The following MYH15 variants were observed in gnomAD, a reference collection of about 807,000 sequenced individuals.
The protein encoded by MYH15 is myosin heavy chain 15.
Under a neutral mutation model 240.5 loss-of-function variants are expected in MYH15, and 227 were observed. The ratio of observed to expected loss-of-function variants is 0.94; its 90% CI spans 0.85 to 1.05. The LOEUF is 1.05. MYH15 is among the 50% of genes least tolerant of loss of function. The probability of loss-of-function intolerance (pLI) is 0.00; values close to 1 mark genes in which losing one functional copy is unlikely to be tolerated. For synonymous variants in MYH15, 785 were observed against 796.7 expected (o/e 0.99, Z 0.25); for missense variants, 2,217 against 2,247.5 (o/e 0.99, Z 0.27).
chr3:108,385,234 TTATTATAAAAGCCACA>T (rs1487656811), intron 38 of MYH15, among the ~76,000 whole-genome samples: 1 of 152,216 alleles, frequency 6.6e-6, no homozygotes, highest in African/African-American at 2.4e-5. Flanking sequence ...ATGAAGTGCA[TTATTATAAAAGCCACA>T]TATGCAAAAC....
intron 1 of MYH15, among the ~76,000 whole-genome samples, chr3:108,517,366 CTT>C (rs887588435): frequency 7.9e-5 from 12 of 152,034 alleles, no homozygotes; most frequent in Non-Finnish European, 1.5e-5. Flanking sequence ...GAATTTTGCT[CTT>C]GTTGCCCAGG....
intron 12 of MYH15, among the ~76,000 whole-genome samples, chr3:108,472,133 G>T (rs115211087): frequency 0.015 from 2,261 of 152,322 alleles, 51 homozygotes; most frequent in African/African-American, 0.052. Flanking sequence ...CTTCCCTGGA[G>T]GGGTGTGGAA....
rs2083157728 is a variant in MYH15, at chr3:108,470,033, AT to A, written c.1554+8del. 4 of 1,589,486 alleles carry A rather than the reference AT, an allele frequency of 2.5e-6. No individual in the cohort carries two copies. The highest frequency in any genetic ancestry group is 3.4e-6 in the Non-Finnish European group (4 of 1,172,354). On this transcript the variant is annotated splice_region_variant and intron_variant, in intron 14 of 40. Transcript: ENST00000693548. ...AATGAAAATGGACAAAGAGAAAAAC[AT>A]ATATTACCTTCTCAATGAGATCTAT...
chr3:108,468,304 T>C (rs546168395), intron 14 of MYH15, among the ~76,000 whole-genome samples: 2 of 152,324 alleles, frequency 1.3e-5, no homozygotes, highest in East Asian at 3.9e-4. Flanking sequence ...TATGAAACTT[T>C]TATGTAATGA....
chr3:108,523,024 G>A (rs942707924), intron 1 of MYH15, among the ~76,000 whole-genome samples: 5 of 152,036 alleles, frequency 3.3e-5, no homozygotes, highest in Admixed American at 6.6e-5. Flanking sequence ...GAACATTTGC[G>A]AAAGGACTTG....
intron 25 of MYH15, among the ~76,000 whole-genome samples, chr3:108,431,959 C>T (rs1369208055): frequency 6.6e-6 from 1 of 152,106 alleles, no homozygotes; most frequent in Admixed American, 6.6e-5. Flanking sequence ...CTTTGTGGAA[C>T]TTTGAACTTC....
chr3:108,381,415 C>A lies in MYH15; in HGVS notation c.*130G>T. ...TCCCTTTAATTATTTTTCTAATTGC[C>A]TTGTTTATATGGTGTGAAAAGCAAT... On this transcript the variant is annotated 3_prime_UTR_variant, in exon 41 of 41. Coordinates refer to ENST00000693548, the MANE Select transcript of MYH15 (RefSeq NM_014981.3). The A allele has an allele frequency of 1.9e-6, 2 of 1,043,954 alleles. No homozygotes were observed. Among genetic ancestry groups the A allele is most frequent in the Admixed American group, 1.8e-5 (1 of 55,128 alleles). The allele number at this position is 1,043,954 out of a possible 1,614,324, so 64.7% of individuals were successfully genotyped here.
At chr3:108,453,921 C>G in intron 21 of MYH15, 85 bp downstream of exon 21, 1 of 1,368,658 alleles carries the variant, frequency 7.3e-7, no homozygotes, top group Non-Finnish European at 9.9e-7. Context: ...CAGCTCTTGA[C>G]CTACTATAAG....
rs114839298 is a variant in MYH15 at position 108,423,596 on chromosome 3, T to A, written c.3703-2382A>T. Among the ~76,000 whole-genome samples the A allele has an allele frequency of 1.5e-3, 228 of 152,360 alleles. 1 individual carries two copies. The highest frequency in any genetic ancestry group is 5.3e-3 in the African/African-American group (221 of 41,584). On this transcript the variant is annotated intron_variant, in intron 27 of 40. Transcript: ENST00000693548. ...CTAATTATATGTTGAATTTGTTTGC[T>A]CTCACTTCTGAAAATGACTTTGACA...
At chr3:108,440,025 A>C in intron 23 of MYH15, 112 bp from the exon 24 acceptor site, 1 of 965,902 alleles carries the variant, frequency 1.0e-6, no homozygotes, top group Non-Finnish European at 1.4e-6. Context: ...ATCCAATGTC[A>C]CAAAAAGCTG....
intron 24 of MYH15, 97 bp from the exon 25 acceptor site, chr3:108,437,796 C>A (rs201790915): frequency 1.9e-6 from 1 of 524,368 alleles, no homozygotes; most frequent in Non-Finnish European, 3.1e-6. Context: ...AAAAGAAAGA[C>A]ACAAGCACAA....
intron 21 of MYH15, among the ~76,000 whole-genome samples, chr3:108,452,527 AT>A (rs967777118): frequency 2.6e-5 from 4 of 152,200 alleles, no homozygotes; most frequent in Admixed American, 6.5e-5. Context: ...TAACATTGAT[AT>A]ATTTCAAAGA....
At chr3:108,431,297 G>A (rs941875719) in intron 25 of MYH15, among the ~76,000 whole-genome samples, 22 of 152,188 alleles carry the variant, frequency 1.4e-4, no homozygotes, top group African/African-American at 5.1e-4. Flanking sequence ...GTTTGGCTGT[G>A]TCCACCCGAA....
At chr3:108,498,538 G>A (rs2083411932) in intron 5 of MYH15, among the ~76,000 whole-genome samples, 1 of 152,172 alleles carries the variant, frequency 6.6e-6, no homozygotes, top group Non-Finnish European at 1.5e-5. Flanking sequence ...TCAGAAGAGG[G>A]CTACCAATCA....
intron 21 of MYH15, among the ~76,000 whole-genome samples, chr3:108,450,385 C>T (rs1360084317): frequency 6.6e-6 from 1 of 152,096 alleles, no homozygotes; most frequent in African/African-American, 2.4e-5. Flanking sequence ...AAAACATTGT[C>T]ATTTGTGACA....
intron 28 of MYH15, among the ~76,000 whole-genome samples, chr3:108,417,785 G>GTATA (rs368551528): frequency 2.3e-3 from 328 of 145,298 alleles, no homozygotes; most frequent in African/African-American, 7.6e-3. Flanking sequence ...GTACAGGTAT[G>GTATA]TATATATATA....
upstream of MYH15, among the ~76,000 whole-genome samples, chr3:108,512,725 C>T (rs1375243384): frequency 6.6e-6 from 1 of 152,114 alleles, no homozygotes; most frequent in African/African-American, 2.4e-5. Context: ...CTTATTATAA[C>T]ATCAGAGATG....
chr3:108,397,958 G>A (rs1037140225), intron 35 of MYH15, among the ~76,000 whole-genome samples: 5 of 152,114 alleles, frequency 3.3e-5, no homozygotes, highest in Non-Finnish European at 7.4e-5. Flanking sequence ...CTGGCATAAG[G>A]CTTATTGTTA....
intron 32 of MYH15, among the ~76,000 whole-genome samples, chr3:108,406,986 G>T (rs2082551567): frequency 6.6e-6 from 1 of 152,094 alleles, no homozygotes; most frequent in Admixed American, 6.5e-5. Context: ...AAAGTCCCTT[G>T]CCAGGATAGC....
Sources: gnomAD v4.1 joint callset for allele counts (sites outside exome capture counted in the v4.1 genomes callset) on GRCh38, gnomAD v4.1.1 for gene constraint, MANE v1.5 for transcripts, NCBI Gene and HGNC (gene_info 2026-07-23, HGNC 2026-07-21) for gene names.